The following COL12A1 variants were observed in gnomAD, a reference collection of about 807,000 sequenced individuals.
COL12A1 encodes collagen alpha-1(XII) chain.
COL12A1 carries 114 observed loss-of-function variants against 349.7 expected under a neutral mutation model. The ratio of observed to expected loss-of-function variants is 0.33; its 90% CI spans 0.28 to 0.38. The LOEUF is 0.38. Ranked by LOEUF, COL12A1 falls within the 10% of genes least tolerant of loss-of-function variation. The pLI, the probability that COL12A1 is intolerant of heterozygous loss-of-function variation, is 1.00. For synonymous variants in COL12A1, 1,369 were observed against 1,329.0 expected, an observed-to-expected ratio of 1.03 and a Z score of -0.66; for missense variants, 3,284 against 3,756.9, an observed-to-expected ratio of 0.87 and a Z score of 3.29.
chr6:75,175,414 A>G (rs955367912), intron 12 of COL12A1, 104 bp from the exon 13 acceptor site: 1 of 1,311,554 alleles, frequency 7.6e-7, no homozygotes, highest in Non-Finnish European at 1.0e-6. Context: ...TCAAAGTTAT[A>G]TCCTGGGTGA....
chr6:75,155,877 A>T (rs966715479), intron 15 of COL12A1, 23 bp from the exon 16 acceptor site: 5 of 1,573,952 alleles, frequency 3.2e-6, no homozygotes, highest in Admixed American at 2.1e-5. Flanking sequence ...AAAGATTTTT[A>T]AAATATTATC....
In COL12A1 at chr6:75,161,270, T is replaced by C. The variant is rs889003289; in HGVS notation, c.2983+4237A>G. 3.9e-5 allele frequency among the ~76,000 whole-genome samples: 6 copies of C among 152,350 alleles called. No homozygotes were observed. The South Asian group carries it at 6.2e-4, about 16-fold the overall frequency. On this transcript the variant is annotated intron_variant, in intron 14 of 65. Transcript: ENST00000322507. ...CTTTTTTCTCATCAATGTTATGATA[T>C]TATTTGAGAACTTGTTAACTTTAAA...
chr6:75,155,955 T>A, intron 15 of COL12A1, 101 bp from the exon 16 acceptor site: 1 of 1,232,384 alleles, frequency 8.1e-7, no homozygotes, highest in Non-Finnish European at 1.1e-6. Flanking sequence ...AAAAAGGGTT[T>A]AAGTCCGGTA....
chr6:75,151,074 A>AG, intron 21 of COL12A1, 67 bp downstream of exon 21: 1 of 136,678 alleles, frequency 7.3e-6, no homozygotes, highest in Non-Finnish European at 1.5e-5. Flanking sequence ...CCCCCCACCC[A>AG]AAAGAATAAT....
chr6:75,204,063 G>A lies in COL12A1; in HGVS notation c.-35-1236C>T, dbSNP rs906208439. ...GTAAATTGCATTTTAAATGTCTGAT[G>A]AGCAGGCGTGCCAAATTGCCTGGAG... On this transcript the variant is annotated intron_variant, in intron 1 of 65. Coordinates refer to ENST00000322507, the MANE Select transcript of COL12A1 (RefSeq NM_004370.6). Among the ~76,000 whole-genome samples the A allele has an allele frequency of 4.6e-5, 7 of 152,348 alleles. 2 individuals carry two copies. In the South Asian group the frequency reaches 1.4e-3, roughly 32 times the overall value.
intron 27 of COL12A1, among the ~76,000 whole-genome samples, chr6:75,139,302 A>C (rs908064279): frequency 7.2e-5 from 11 of 152,230 alleles, no homozygotes; most frequent in Non-Finnish European, 8.8e-5. Flanking sequence ...TCAGAGAGTT[A>C]ATGGACCTTC....
intron 14 of COL12A1, among the ~76,000 whole-genome samples, chr6:75,158,119 A>C (rs1767851128): frequency 6.6e-6 from 1 of 152,148 alleles, no homozygotes; most frequent in African/African-American, 2.4e-5. Flanking sequence ...AAAAAGGAAA[A>C]ACTTATGACT....
chr6:75,098,419 C>T (rs1383660592), intron 58 of COL12A1, among the ~76,000 whole-genome samples: 1 of 152,128 alleles, frequency 6.6e-6, no homozygotes, highest in African/African-American at 2.4e-5. Flanking sequence ...TTTGGGAGGC[C>T]AAGGCAGGAG....
At chr6:75,141,992 T>G (rs1766912621) in intron 27 of COL12A1, 40 bp downstream of exon 27, 1 of 1,612,162 alleles carries the variant, frequency 6.2e-7, no homozygotes, top group African/African-American at 1.3e-5. Flanking sequence ...GCATGTAAAG[T>G]GTTGTTTCCC....
At chr6:75,193,023 G>A (rs761353230) in intron 3 of COL12A1, among the ~76,000 whole-genome samples, 24 of 152,106 alleles carry the variant, frequency 1.6e-4, no homozygotes, top group Non-Finnish European at 3.1e-4. Flanking sequence ...GGTGGTTCCT[G>A]GGAATTACGT....
At chr6:75,185,888 T>C (rs1769587471) in intron 8 of COL12A1, among the ~76,000 whole-genome samples, 1 of 152,162 alleles carries the variant, frequency 6.6e-6, no homozygotes, top group African/African-American at 2.4e-5. Flanking sequence ...ATTCAATAAA[T>C]GGTGCTCAGA....
intron 16 of COL12A1, 29 bp downstream of exon 16, chr6:75,155,633 C>T (rs768918908): frequency 5.1e-6 from 8 of 1,575,940 alleles, no homozygotes; most frequent in South Asian, 3.6e-5. Flanking sequence ...TTAATTTCAT[C>T]CTTTGATACA....
rs762021815 is a variant in COL12A1, at chr6:75,138,471, T to C, written c.5207A>G (p.Asp1736Gly). ...ACGTGTGCGCTCACTGCCAATCAGG[T>C]CATCACTTTCTGACTCATCAGGATA... ...AIYPDESESD[D>G]LIGSERTLPI... Residue 1736 changes from aspartate to glycine, a missense_variant, in exon 29 of 66, where the codon GAC (aspartate) becomes GGC (glycine). By Grantham distance (94) the Asp-to-Gly change is moderately conservative. Coordinates refer to ENST00000322507, the MANE Select transcript of COL12A1 (RefSeq NM_004370.6). 3.7e-6 allele frequency: 6 copies of C among 1,613,860 alleles called. No homozygotes were observed. Among genetic ancestry groups the C allele is most frequent in the Non-Finnish European group, 5.1e-6 (6 of 1,179,930 alleles).
rs1372337991 is a variant in COL12A1 at position 75,151,192 on chromosome 6, T to C, written c.4096A>G (p.Arg1366Gly). The C allele has an allele frequency of 1.2e-6, 2 of 1,613,514 alleles. No homozygotes were observed. Among genetic ancestry groups the C allele is most frequent in the South Asian group, 1.1e-5 (1 of 91,048 alleles). ...TTAATGGTGAGATCATCCACTATCC[T>C]GGAGAGTGACTCAAAATCTGCCACA... ...YNVADFESLS[R>G]IVDDLTINLC... The change falls in exon 21 of 66, where the codon AGG (arginine) becomes GGG (glycine). Residue 1366 changes from arginine (R) to glycine (G), a missense_variant. By Grantham distance (125) the Arg-to-Gly change is moderately radical (BLOSUM62 -2). Around this residue, in one of 2 missense-constraint regions of COL12A1, gnomAD observed 2,601 missense variants for 2,824.8 expected, o/e 0.92. Coordinates refer to ENST00000322507, the MANE Select transcript of COL12A1 (RefSeq NM_004370.6).
chr6:75,088,163 A>G (rs1012172368), intron 64 of COL12A1, among the ~76,000 whole-genome samples: 2 of 152,240 alleles, frequency 1.3e-5, no homozygotes, highest in African/African-American at 4.8e-5. Flanking sequence ...TTCTGGATCA[A>G]TAGTTATAGT....
At position 75,113,758 on chromosome 6, in the gene COL12A1, CAAAAG is replaced by C. The variant is rs141102808; in HGVS notation, c.7698-19_7698-15del. The C allele has an allele frequency of 0.014, 21,217 of 1,500,544 alleles. 165 individuals are homozygous for C. Among genetic ancestry groups the C allele is most frequent in the Non-Finnish European group, 0.017 (18,781 of 1,121,090 alleles). The allele number at this position is 1,500,544 out of a possible 1,614,324, so 93.0% of individuals were successfully genotyped here. A position where few individuals can be genotyped will look rare whatever the true frequency, so the allele number is the denominator to read the frequency against. ...GGGTGTAGGTCTCTGTTGGATAAAA[CAAAAG>C]AAAGAAAAAGGAGAGGAAAGAAAAA... On this transcript the variant is annotated splice_polypyrimidine_tract_variant and intron_variant, in intron 49 of 65. Transcript: ENST00000322507.
Position 75,155,945 on chromosome 6 carries a change from A to T in COL12A1, c.3251-91T>A, listed in dbSNP as rs1023916982. ...TAGCCCCACAAAAATGCATATCCAT[A>T]AAAAGGGTTTAAGTCCGGTAGCACA... On this transcript the variant is annotated intron_variant, in intron 15 of 65. Transcript: ENST00000322507. 28 of 1,351,778 alleles carry T rather than the reference A, an allele frequency of 2.1e-5. No homozygotes were observed. In the African/African-American group the frequency reaches 3.6e-4, roughly 17 times the overall value. 83.7% of individuals were successfully genotyped at this position (1,351,778 alleles called of 1,614,324 possible). A position where few individuals can be genotyped will look rare whatever the true frequency, so the allele number is the denominator to read the frequency against.
At chr6:75,116,098 GATGTACAAATTATAT>G in intron 47 of COL12A1, 41 bp from the exon 48 acceptor site, 3 of 1,590,486 alleles carry the variant, frequency 1.9e-6, no homozygotes, top group Non-Finnish European at 2.6e-6. Context: ...TCACCAACAC[GATGTACAAATTATAT>G]ATGCACAGAA....
chr6:75,190,616 TG>T (rs1333223377), intron 5 of COL12A1, among the ~76,000 whole-genome samples: 3 of 151,876 alleles, frequency 2.0e-5, no homozygotes, highest in Admixed American at 6.6e-5. Context: ...CTCTCTATGG[TG>T]GAGGTCAGGT....
Sources: gnomAD v4.1 joint callset for allele counts (sites outside exome capture counted in the v4.1 genomes callset) on GRCh38, gnomAD v4.1.1 for gene constraint, gnomAD v4.1.1 regional missense constraint, MANE v1.5 for transcripts, NCBI Gene and HGNC (gene_info 2026-07-23, HGNC 2026-07-21) for gene names.